Variants in CRACD observed in about 807,000 individuals in gnomAD.
The protein encoded by CRACD is capping protein-inhibiting regulator of actin dynamics.
In CRACD, 56 loss-of-function variants were observed where a neutral mutation model predicts 106.8. The observed-to-expected ratio is 0.52, with a 90% confidence interval of 0.42 to 0.66. The LOEUF (loss-of-function observed/expected upper bound fraction) is 0.66. Ranked by LOEUF, CRACD falls within the 30% of genes least tolerant of loss-of-function variation. The pLI, the probability that CRACD is intolerant of heterozygous loss-of-function variation, is 0.00. For missense variants in CRACD, 1,730 were observed against 1,623.2 expected, an observed-to-expected ratio of 1.07 and a Z score of -1.13; for synonymous variants, 754 against 670.8, an observed-to-expected ratio of 1.12 and a Z score of -1.92.
intron 3 of CRACD, among the ~76,000 whole-genome samples, chr4:56,286,725 G>A (rs1466996735): frequency 1.3e-5 from 2 of 151,962 alleles, no homozygotes; most frequent in African/African-American, 4.8e-5. Flanking sequence ...GCAGATTCCC[G>A]TTAACATCTT....
At chr4:56,202,445 T>C (rs1287623716) in intron 2 of CRACD, among the ~76,000 whole-genome samples, 1 of 152,122 alleles carries the variant, frequency 6.6e-6, no homozygotes, top group Non-Finnish European at 1.5e-5. Context: ...TGGAGTTTTG[T>C]CATGTTGGCC....
intron 4 of CRACD, 31 bp from the exon 5 acceptor site, chr4:56,307,504 T>G: frequency 6.2e-7 from 1 of 1,611,874 alleles, no homozygotes; most frequent in South Asian, 1.1e-5. Context: ...GCTTCACTGC[T>G]TCAGAATGTC....
At chr4:56,098,151 T>G (rs528799700) in intron 1 of CRACD, among the ~76,000 whole-genome samples, 5 of 152,354 alleles carry the variant, frequency 3.3e-5, no homozygotes, top group African/African-American at 1.2e-4. Context: ...CACATTGACT[T>G]GACAAATGTG....
chr4:56,159,023 TG>T (rs1197530046), intron 1 of CRACD, among the ~76,000 whole-genome samples: 1 of 152,180 alleles, frequency 6.6e-6, no homozygotes, highest in African/African-American at 2.4e-5. Flanking sequence ...CATGCCAGAG[TG>T]GTTGCATGTT....
At chr4:56,261,498 C>T (rs940340182) in intron 2 of CRACD, among the ~76,000 whole-genome samples, 1 of 151,712 alleles carries the variant, frequency 6.6e-6, no homozygotes, top group Admixed American at 6.6e-5. Flanking sequence ...TTACAGGTGC[C>T]CACCACCACG....
chr4:56,253,155 T>C (rs1198072683), intron 2 of CRACD, among the ~76,000 whole-genome samples: 2 of 152,192 alleles, frequency 1.3e-5, no homozygotes, highest in Non-Finnish European at 1.5e-5. Context: ...GACTTGGCTC[T>C]CTTTTAGCAA....
chr4:56,104,579 G>A (rs1308052713), intron 1 of CRACD, among the ~76,000 whole-genome samples: 1 of 152,182 alleles, frequency 6.6e-6, no homozygotes, highest in African/African-American at 2.4e-5. Context: ...TCTTCACTTT[G>A]CTTACCACCT....
intron 2 of CRACD, among the ~76,000 whole-genome samples, chr4:56,216,960 C>T (rs1349270868): frequency 3.6e-5 from 5 of 139,404 alleles, no homozygotes; most frequent in Admixed American, 7.5e-5. Flanking sequence ...GCAGTCCGGC[C>T]TGGGCGACAG....
chr4:56,206,155 G>A (rs796874223), intron 2 of CRACD, among the ~76,000 whole-genome samples: 7 of 152,172 alleles, frequency 4.6e-5, no homozygotes, highest in Admixed American at 6.6e-5. Flanking sequence ...ATATGTGCCC[G>A]TTTTCCCTGT....
chr4:56,264,656 A>G (rs1425844903), intron 2 of CRACD, among the ~76,000 whole-genome samples: 1 of 152,232 alleles, frequency 6.6e-6, no homozygotes, highest in African/African-American at 2.4e-5. Context: ...TCCTGAGCTT[A>G]CAAAGATGAC....
intron 1 of CRACD, among the ~76,000 whole-genome samples, chr4:56,110,407 G>A (rs972570253): frequency 6.6e-6 from 1 of 152,148 alleles, no homozygotes; most frequent in Admixed American, 6.5e-5. Context: ...TGGAAACCAG[G>A]AAATAGTGCA....
At chr4:56,078,804 G>C (rs1732926998) in intron 1 of CRACD, among the ~76,000 whole-genome samples, 1 of 152,162 alleles carries the variant, frequency 6.6e-6, no homozygotes, top group Admixed American at 6.5e-5. Context: ...TATGCCTGGT[G>C]GGGGTTACCC....
intron 3 of CRACD, among the ~76,000 whole-genome samples, chr4:56,274,050 C>T (rs1317510254): frequency 6.6e-6 from 1 of 152,160 alleles, no homozygotes; most frequent in African/African-American, 2.4e-5. Context: ...GACTCTTTTC[C>T]TTGACAGCCC....
chr4:56,109,168 C>A (rs1433125731), intron 1 of CRACD, among the ~76,000 whole-genome samples: 3 of 152,204 alleles, frequency 2.0e-5, no homozygotes, highest in African/African-American at 7.2e-5. Context: ...CCTTCTAGGT[C>A]ACTTCTCACA....
At chr4:56,066,002 TA>T (rs1732454743) in intron 1 of CRACD, among the ~76,000 whole-genome samples, 1 of 152,246 alleles carries the variant, frequency 6.6e-6, no homozygotes, top group Non-Finnish European at 1.5e-5. Context: ...ATTCACGTGG[TA>T]GCATCTATCA....
intron 1 of CRACD, among the ~76,000 whole-genome samples, chr4:56,094,404 A>G (rs6836927): frequency 0.11 from 16,155 of 149,894 alleles, 931 homozygotes; most frequent in East Asian, 0.19. Context: ...TATGTATTCC[A>G]TAGTTTCATA....
intron 2 of CRACD, among the ~76,000 whole-genome samples, chr4:56,208,186 G>A (rs1484118115): frequency 1.3e-5 from 2 of 152,034 alleles, no homozygotes; most frequent in Non-Finnish European, 2.9e-5. Context: ...CTGGGGAGAA[G>A]CTTCCCTGGT....
At chr4:56,151,898 T>G (rs1387640915) in intron 1 of CRACD, among the ~76,000 whole-genome samples, 1 of 152,220 alleles carries the variant, frequency 6.6e-6, no homozygotes, top group Non-Finnish European at 1.5e-5. Context: ...GTGTTCTCAT[T>G]GCACCCTATC....
At position 56,327,672 on chromosome 4, in the gene CRACD, G is replaced by A. The variant is rs769044029; in HGVS notation, c.3570G>A (p.Ala1190=). Residue 1190 remains alanine (A), a synonymous_variant, in exon 11 of 11, where the codon GCG becomes GCA. Transcript: ENST00000682029. ...AGATCTCCGACTCGGCTCCCCCAGC[G>A]CCGCTGGTAAAAGAAGTCACCAAGA... ...TVEISDSAPP[A]PLVKEVTKRF... is the part of the protein sequence containing the mutation. 51 of 1,602,800 alleles carry A rather than the reference G, an allele frequency of 3.2e-5. No homozygotes were observed. In the African/African-American group the frequency reaches 4.7e-4, roughly 15 times the overall value.
Sources: allele counts gnomAD v4.1 joint callset (sites outside exome capture counted in the v4.1 genomes callset), GRCh38; gene constraint gnomAD v4.1.1; transcripts MANE v1.5; gene names NCBI Gene and HGNC (gene_info 2026-07-23, HGNC 2026-07-21).